CSMD1: variants seen among roughly 807,000 people sequenced by gnomAD.
CSMD1 encodes CUB and sushi domain-containing protein 1.
In CSMD1, 213 loss-of-function variants were observed where a neutral mutation model predicts 417.5. The observed-to-expected ratio is 0.51, with a 90% CI of 0.46 to 0.57. CSMD1 has a LOEUF of 0.57. Ranked by LOEUF, CSMD1 falls within the 20% of genes least tolerant of loss-of-function variation. The pLI, the probability that CSMD1 is intolerant of heterozygous loss-of-function variation, is 0.00. For synonymous variants in CSMD1, 2,862 were observed against 1,736.8 expected, an observed-to-expected ratio of 1.65 and a Z score of -16.11; for missense variants, 6,923 against 4,529.7, an observed-to-expected ratio of 1.53 and a Z score of -15.17.
rs531826771 is a variant in CSMD1, at chr8:4,983,246, A to T, written c.85+11086T>A. Among the ~76,000 whole-genome samples, 6 of 152,346 alleles carry T rather than the reference A, an allele frequency of 3.9e-5. No homozygotes were observed. The East Asian group carries it at 9.7e-4, about 25-fold the overall frequency. On this transcript the variant is annotated intron_variant, in intron 1 of 69. Coordinates refer to ENST00000635120, the MANE Select transcript of CSMD1 (RefSeq NM_033225.6). ...ATAAGCAGGCACAGTGACTGGAAGA[A>T]ATCTTTACCAACACCTTCCCTAGGT...
intron 3 of CSMD1, among the ~76,000 whole-genome samples, chr8:4,087,356 A>G (rs1451788734): frequency 3.9e-5 from 6 of 152,136 alleles, no homozygotes; most frequent in Non-Finnish European, 8.8e-5. Flanking sequence ...GCAAGTCTGA[A>G]TTTGCTTCTC....
chr8:4,037,462 G>A (rs764062656), intron 3 of CSMD1, among the ~76,000 whole-genome samples: 1 of 152,128 alleles, frequency 6.6e-6, no homozygotes, highest in African/African-American at 2.4e-5. Flanking sequence ...TCAATGGTTT[G>A]CTTTTTTGTC....
chr8:3,622,993 A>G (rs1355733995), intron 7 of CSMD1, among the ~76,000 whole-genome samples: 1 of 152,228 alleles, frequency 6.6e-6, no homozygotes, highest in Non-Finnish European at 1.5e-5. Flanking sequence ...AACACATGAC[A>G]TAGATAGTAA....
chr8:3,846,916 C>A (rs1196109627), intron 5 of CSMD1, among the ~76,000 whole-genome samples: 1 of 152,200 alleles, frequency 6.6e-6, no homozygotes, highest in African/African-American at 2.4e-5. Flanking sequence ...CTTAGGTGAT[C>A]CACCCGCCCT....
intron 2 of CSMD1, among the ~76,000 whole-genome samples, chr8:4,513,004 G>A (rs188056846): frequency 6.6e-6 from 1 of 152,132 alleles, no homozygotes; most frequent in Non-Finnish European, 1.5e-5. Flanking sequence ...TTGAGGGAGA[G>A]AAGGATTAAT....
chr8:3,976,604 C>G (rs116655845), intron 5 of CSMD1, among the ~76,000 whole-genome samples: 1 of 152,144 alleles, frequency 6.6e-6, no homozygotes, highest in Non-Finnish European at 1.5e-5. Context: ...TTTGCATAAG[C>G]ATTAATTATT....
intron 3 of CSMD1, among the ~76,000 whole-genome samples, chr8:4,111,648 C>G (rs1208912924): frequency 6.6e-6 from 1 of 152,162 alleles, no homozygotes; most frequent in African/African-American, 2.4e-5. Flanking sequence ...AAGCCATTAT[C>G]TTCAGCAAAT....
chr8:4,446,773 G>GTGTC (rs1554480707), intron 2 of CSMD1, among the ~76,000 whole-genome samples: 4 of 145,984 alleles, frequency 2.7e-5, no homozygotes, highest in African/African-American at 1.0e-4. Context: ...GTGTGTGTGT[G>GTGTC]TGTGTGTGTG....
At chr8:4,934,958 GCCTATA>G (rs1667596651) in intron 1 of CSMD1, among the ~76,000 whole-genome samples, 3 of 152,020 alleles carry the variant, frequency 2.0e-5, no homozygotes, top group African/African-American at 7.2e-5. Context: ...CCATCTACCT[GCCTATA>G]TCTATCATCT....
chr8:3,715,312 G>C (rs181169662), intron 6 of CSMD1, among the ~76,000 whole-genome samples: 1 of 152,106 alleles, frequency 6.6e-6, no homozygotes, highest in Admixed American at 6.6e-5. Flanking sequence ...AACATCAGTA[G>C]GAGCTATGTC....
intron 1 of CSMD1, among the ~76,000 whole-genome samples, chr8:4,793,174 C>G (rs769923580): frequency 2.0e-5 from 3 of 152,026 alleles, no homozygotes; most frequent in Non-Finnish European, 2.9e-5. Context: ...TGTCCTTGAT[C>G]ATGGAGTAAT....
chr8:4,237,081 T>A (rs1001824941), intron 3 of CSMD1, among the ~76,000 whole-genome samples: 3 of 152,202 alleles, frequency 2.0e-5, no homozygotes, highest in Non-Finnish European at 4.4e-5. Flanking sequence ...ACGCCTACAA[T>A]TTTATTCTTC....
chr8:4,188,985 T>G (rs969381386), intron 3 of CSMD1, among the ~76,000 whole-genome samples: 5 of 152,216 alleles, frequency 3.3e-5, no homozygotes, highest in African/African-American at 4.8e-5. Flanking sequence ...GACCTAATGT[T>G]GGACTGTGAT....
At chr8:4,148,484 A>T (rs1287058690) in intron 3 of CSMD1, among the ~76,000 whole-genome samples, 1 of 151,928 alleles carries the variant, frequency 6.6e-6, no homozygotes. Context: ...GAACCTGCAC[A>T]TTGTGCACAT....
Position 3,496,939 on chromosome 8 carries a change from C to T in CSMD1, c.1345-3213G>A, listed in dbSNP as rs578083425. 1.0e-3 allele frequency among the ~76,000 whole-genome samples: 156 copies of T among 152,246 alleles called. 1 individual carries two copies. The highest frequency in any genetic ancestry group is 3.4e-3 in the Middle Eastern group (1 of 294). ...GGAACATGTTTAATTTCCATGTATTCGTACAATTTTGAAAGTTTCTCTTGT... is the reference window on the plus strand; with the variant it reads ...GGAACATGTTTAATTTCCATGTATTTGTACAATTTTGAAAGTTTCTCTTGT... On this transcript the variant is annotated intron_variant, in intron 10 of 69. Coordinates refer to ENST00000635120, the MANE Select transcript of CSMD1 (RefSeq NM_033225.6).
chr8:4,503,323 T>G (rs1802354679), intron 2 of CSMD1, among the ~76,000 whole-genome samples: 1 of 152,160 alleles, frequency 6.6e-6, no homozygotes, highest in Non-Finnish European at 1.5e-5. Flanking sequence ...ATTCAATAAC[T>G]ATTGAGTGAC....
At chr8:3,657,792 T>C (rs896439339) in intron 7 of CSMD1, among the ~76,000 whole-genome samples, 1 of 152,144 alleles carries the variant, frequency 6.6e-6, no homozygotes, top group African/African-American at 2.4e-5. Context: ...CGTGTATAAC[T>C]ATGTAACAAA....
intron 10 of CSMD1, among the ~76,000 whole-genome samples, chr8:3,518,341 C>G (rs1403137759): frequency 6.6e-6 from 1 of 152,108 alleles, no homozygotes; most frequent in Non-Finnish European, 1.5e-5. Context: ...AAATGCAAAC[C>G]TGCGTACCAA....
At chr8:3,365,013 C>A (rs1809460940) in intron 20 of CSMD1, among the ~76,000 whole-genome samples, 1 of 152,120 alleles carries the variant, frequency 6.6e-6, no homozygotes, top group South Asian at 2.1e-4. Context: ...TGCGTCACTG[C>A]CATTTTCTTT....
Sources: allele counts gnomAD v4.1 joint callset (sites outside exome capture counted in the v4.1 genomes callset), GRCh38; gene constraint gnomAD v4.1.1; transcripts MANE v1.5; gene names NCBI Gene and HGNC (gene_info 2026-07-23, HGNC 2026-07-21).